Variants in DPP6 observed in about 807,000 individuals in gnomAD.
The protein encoded by DPP6 is dipeptidyl peptidase like 6.
Under a neutral mutation model 122.6 loss-of-function variants are expected in DPP6, and 69 were observed. That is an observed-to-expected ratio of 0.56 (90% confidence interval 0.46 to 0.69). The LOEUF (loss-of-function observed/expected upper bound fraction) is 0.69, where lower values mean the gene tolerates loss of function less well. Among genes scored for constraint, DPP6 ranks in the 30% least tolerant of loss-of-function variants. The pLI is 0.00. For missense variants in DPP6, 928 were observed against 1,116.9 expected, an observed-to-expected ratio of 0.83 and a Z score of 2.41; for synonymous variants, 418 against 433.1, an observed-to-expected ratio of 0.97 and a Z score of 0.43.
At chr7:154,794,040 G>T in intron 10 of DPP6, 39 bp from the exon 11 acceptor site, 1 of 1,599,960 alleles carries the variant, frequency 6.3e-7, no homozygotes. Context: ...TCGTGCGGGG[G>T]TCCTGCCAAG....
intron 1 of DPP6, among the ~76,000 whole-genome samples, chr7:154,044,047 C>T (rs962838107): frequency 6.6e-5 from 10 of 151,196 alleles, no homozygotes; most frequent in Non-Finnish European, 1.2e-4. Flanking sequence ...CACCTCATCC[C>T]GCTGCAGCTG....
chr7:154,579,873 C>T lies in DPP6; in HGVS notation c.627+12957C>T, dbSNP rs78061025. On this transcript the variant is annotated intron_variant, in intron 5 of 25. Transcript: ENST00000377770. ...GACACGGTAAGGAGGGCAAGTTATC[C>T]ATGTGACCTTAGGGATACTTGGGGC... Among the ~76,000 whole-genome samples the T allele has an allele frequency of 3.3e-5, 5 of 152,132 alleles. No individual in the cohort carries two copies. The East Asian group carries it at 5.8e-4, about 18-fold the overall frequency.
intron 1 of DPP6, among the ~76,000 whole-genome samples, chr7:154,014,493 A>G (rs897066792): frequency 6.6e-6 from 1 of 150,950 alleles, no homozygotes; most frequent in Non-Finnish European, 1.5e-5. Flanking sequence ...CAGCTCTACT[A>G]AAAATACAAA....
the DPP6 span, among the ~76,000 whole-genome samples, chr7:153,868,484 G>A: frequency 1.3e-5 from 2 of 152,126 alleles, no homozygotes; most frequent in East Asian, 3.9e-4. Context: ...ATTTCTGTGG[G>A]ATCGGTGGTG....
intron 1 of DPP6, among the ~76,000 whole-genome samples, chr7:154,202,230 C>T (rs561051065): frequency 2.7e-4 from 40 of 145,540 alleles, no homozygotes; most frequent in African/African-American, 9.3e-4. Context: ...GCTGGCCATG[C>T]GCTGGGTCTC....
chr7:153,844,241 T>C, the DPP6 span, among the ~76,000 whole-genome samples: 1 of 152,236 alleles, frequency 6.6e-6, no homozygotes, highest in African/African-American at 2.4e-5. Flanking sequence ...TTTTATTCTG[T>C]AGCAGTAGTT....
intron 1 of DPP6, among the ~76,000 whole-genome samples, chr7:154,390,883 C>T (rs560135595): frequency 1.1e-4 from 16 of 152,300 alleles, no homozygotes; most frequent in African/African-American, 2.9e-4. Flanking sequence ...GGATCACTTG[C>T]AGGCCCCGAG....
chr7:154,061,067 C>A (rs1266374143), intron 1 of DPP6, among the ~76,000 whole-genome samples: 1 of 149,028 alleles, frequency 6.7e-6, no homozygotes, highest in African/African-American at 2.4e-5. Context: ...CCGACGGGTC[C>A]GAACGCAGCT....
chr7:154,112,626 C>G (rs1412160816), intron 1 of DPP6, among the ~76,000 whole-genome samples: 1 of 150,998 alleles, frequency 6.6e-6, no homozygotes, highest in African/African-American at 2.4e-5. Flanking sequence ...GCTTGGGCAA[C>G]AGAGTGAGAC....
chr7:154,585,994 G>A (rs1263731854), intron 5 of DPP6, among the ~76,000 whole-genome samples: 1 of 152,122 alleles, frequency 6.6e-6, no homozygotes, highest in Non-Finnish European at 1.5e-5. Flanking sequence ...AACCCCCTAA[G>A]TGCAGGCTTG....
upstream of DPP6, among the ~76,000 whole-genome samples, chr7:153,886,891 C>T (rs747986089): frequency 8.5e-5 from 13 of 152,152 alleles, no homozygotes; most frequent in African/African-American, 1.9e-4. Context: ...TAGTTAACAC[C>T]CGGCTGCGGA....
At chr7:153,973,957 C>T (rs566294014) in intron 1 of DPP6, among the ~76,000 whole-genome samples, 1 of 151,844 alleles carries the variant, frequency 6.6e-6, no homozygotes, top group African/African-American at 2.4e-5. Flanking sequence ...AAAAGTTTTA[C>T]CCGATGAACC....
chr7:154,041,522 A>G lies in DPP6; in HGVS notation c.51+153788A>G, dbSNP rs377305907. ...TGCTTATGCCATAGATGAGCGTCTG[A>G]TGCTTAGCGACCTATCCTGGTGCAA... On this transcript the variant is annotated intron_variant, in intron 1 of 25. Coordinates refer to the DPP6 transcript ENST00000404039. 3.3e-5 allele frequency among the ~76,000 whole-genome samples: 5 copies of G among 152,178 alleles called. No homozygotes were observed. In the East Asian group the frequency reaches 7.7e-4, roughly 23 times the overall value.
At chr7:154,050,051 T>C (rs1156459630), upstream of DPP6, among the ~76,000 whole-genome samples, 1 of 152,168 alleles carries the variant, frequency 6.6e-6, no homozygotes, top group Non-Finnish European at 1.5e-5. Flanking sequence ...GCATTCCGGC[T>C]CCTTTCACAC....
intron 4 of DPP6, among the ~76,000 whole-genome samples, chr7:154,561,458 T>C (rs1290191520): frequency 1.3e-5 from 2 of 152,230 alleles, no homozygotes; most frequent in African/African-American, 4.8e-5. Flanking sequence ...GGAATGTATC[T>C]TGATAATTGG....
chr7:154,141,557 G>A (rs369740610), intron 1 of DPP6, among the ~76,000 whole-genome samples: 1 of 152,210 alleles, frequency 6.6e-6, no homozygotes, highest in Admixed American at 6.5e-5. Flanking sequence ...GTCGATGCAG[G>A]TGATGCCTGT....
intron 3 of DPP6, among the ~76,000 whole-genome samples, chr7:154,489,463 C>A (rs902021006): frequency 2.2e-4 from 33 of 152,242 alleles, no homozygotes; most frequent in African/African-American, 7.7e-4. Context: ...TTTGTGGTGT[C>A]TTTTCTCATA....
At chr7:154,611,009 A>G (rs978539239) in intron 5 of DPP6, among the ~76,000 whole-genome samples, 2 of 152,298 alleles carry the variant, frequency 1.3e-5, no homozygotes, top group Admixed American at 6.5e-5. Context: ...TGCCTGTTAA[A>G]TTCATTTACT....
intron 1 of DPP6, among the ~76,000 whole-genome samples, chr7:154,324,666 C>A (rs1255996785): frequency 1.3e-5 from 2 of 152,120 alleles, no homozygotes; most frequent in Non-Finnish European, 2.9e-5. Flanking sequence ...TTCACCCAGG[C>A]AGGAAATCAC....
Sources: gnomAD v4.1 joint callset for allele counts (sites outside exome capture counted in the v4.1 genomes callset) on GRCh38, gnomAD v4.1.1 for gene constraint, MANE v1.5 for transcripts, NCBI Gene and HGNC (gene_info 2026-07-23, HGNC 2026-07-21) for gene names.